Variants in EDIL3 observed in about 807,000 individuals in gnomAD.
EDIL3 encodes the protein EGF-like repeat and discoidin I-like domain-containing protein 3.
Under a neutral mutation model 67.4 loss-of-function variants are expected in EDIL3, and 37 were observed. The ratio of observed to expected loss-of-function variants is 0.55; its 90% CI spans 0.42 to 0.72. The LOEUF (loss-of-function observed/expected upper bound fraction) is 0.72. Among genes scored for constraint, EDIL3 ranks in the 30% least tolerant of loss-of-function variants. EDIL3 has a pLI of 0.00. For missense variants in EDIL3, 527 were observed against 586.3 expected (o/e 0.90, Z 1.04); for synonymous variants, 195 against 196.3 (o/e 0.99, Z 0.05).
chr5:84,265,728 A>T (rs982630331), intron 1 of EDIL3, among the ~76,000 whole-genome samples: 8 of 152,224 alleles, frequency 5.3e-5, no homozygotes, highest in Non-Finnish European at 8.8e-5. Flanking sequence ...GCTTACTGAT[A>T]AACATGAGAA....
At chr5:84,339,926 C>T (rs868716792) in intron 1 of EDIL3, among the ~76,000 whole-genome samples, 2 of 152,008 alleles carry the variant, frequency 1.3e-5, no homozygotes, top group African/African-American at 4.8e-5. Flanking sequence ...TAAATAATCA[C>T]AATATCTGTA....
intron 1 of EDIL3, among the ~76,000 whole-genome samples, chr5:84,269,665 C>A (rs1745424328): frequency 6.6e-6 from 1 of 152,136 alleles, no homozygotes; most frequent in African/African-American, 2.4e-5. Context: ...AAAGTCAGAT[C>A]TACTTTATTG....
chr5:84,175,050 C>T lies in EDIL3; in HGVS notation c.355+5343G>A, dbSNP rs188056530. Among the ~76,000 whole-genome samples, 11 of 152,268 alleles carry T rather than the reference C, an allele frequency of 7.2e-5. No individual in the cohort carries two copies. The East Asian group carries it at 1.7e-3, about 24-fold the overall frequency. ...GTGAAAATGCTATTTAAACTGCATG[C>T]TTTCTGTAGGCGGTGGCAGTTCTGT... is the stretch of plus-strand genomic sequence containing the variant. On this transcript the variant is annotated intron_variant, in intron 4 of 10. Coordinates refer to ENST00000296591, the MANE Select transcript of EDIL3 (RefSeq NM_005711.5).
intron 1 of EDIL3, among the ~76,000 whole-genome samples, chr5:84,256,160 T>TATCTATCC (rs1400582886): frequency 5.7e-5 from 7 of 123,382 alleles, no homozygotes; most frequent in Non-Finnish European, 1.1e-4. Context: ...TCTATCTATC[T>TATCTATCC]ATCCATTTAT....
chr5:84,175,865 C>T (rs960488220), intron 4 of EDIL3, among the ~76,000 whole-genome samples: 18 of 152,038 alleles, frequency 1.2e-4, no homozygotes, highest in Non-Finnish European at 1.8e-4. Context: ...AATTCTGATT[C>T]AACAGGGCTG....
intron 6 of EDIL3, among the ~76,000 whole-genome samples, chr5:84,071,390 T>G (rs908032603): frequency 1.3e-5 from 2 of 152,130 alleles, no homozygotes; most frequent in East Asian, 3.9e-4. Context: ...GAACTAATAC[T>G]AGAATAAAAT....
intron 5 of EDIL3, among the ~76,000 whole-genome samples, chr5:84,116,449 T>C (rs926741296): frequency 1.5e-4 from 23 of 152,174 alleles, no homozygotes; most frequent in African/African-American, 5.3e-4. Context: ...ACCTGCATAA[T>C]CAGAAAAGTA....
chr5:84,086,176 C>T (rs1229595602), intron 6 of EDIL3, among the ~76,000 whole-genome samples: 1 of 152,168 alleles, frequency 6.6e-6, no homozygotes, highest in Non-Finnish European at 1.5e-5. Flanking sequence ...GCCGGTTCTT[C>T]TGTCTCACTG....
At chr5:84,121,956 G>A (rs1445799494) in intron 5 of EDIL3, among the ~76,000 whole-genome samples, 1 of 151,836 alleles carries the variant, frequency 6.6e-6, no homozygotes, top group Non-Finnish European at 1.5e-5. Flanking sequence ...CCTATTCCTC[G>A]CATCTTATAA....
chr5:84,183,040 C>T (rs1480031612), intron 3 of EDIL3, among the ~76,000 whole-genome samples: 1 of 152,108 alleles, frequency 6.6e-6, no homozygotes, highest in Non-Finnish European at 1.5e-5. Flanking sequence ...CAGAACCTAT[C>T]TCTCCTTCTC....
At chr5:84,021,962 T>G (rs1305474570) in intron 9 of EDIL3, among the ~76,000 whole-genome samples, 1 of 151,964 alleles carries the variant, frequency 6.6e-6, no homozygotes, top group Non-Finnish European at 1.5e-5. Flanking sequence ...TGCCTAATTC[T>G]ACCAAATGTA....
chr5:84,273,686 A>T (rs964797494), intron 1 of EDIL3, among the ~76,000 whole-genome samples: 1 of 152,158 alleles, frequency 6.6e-6, no homozygotes, highest in Non-Finnish European at 1.5e-5. Context: ...TCTCTATGCA[A>T]ATGTCCCTTT....
At chr5:84,093,991 G>T (rs1051335290) in intron 6 of EDIL3, among the ~76,000 whole-genome samples, 3 of 152,062 alleles carry the variant, frequency 2.0e-5, no homozygotes, top group African/African-American at 7.2e-5. Context: ...CAGAGCAACT[G>T]CTATATGGTT....
At chr5:84,291,971 T>A (rs958605014) in intron 1 of EDIL3, among the ~76,000 whole-genome samples, 1 of 151,652 alleles carries the variant, frequency 6.6e-6, no homozygotes, top group Non-Finnish European at 1.5e-5. Context: ...GCCATTGATA[T>A]ACCCAGATAC....
At chr5:84,259,220 A>T (rs1317985665) in intron 1 of EDIL3, among the ~76,000 whole-genome samples, 1 of 151,920 alleles carries the variant, frequency 6.6e-6, no homozygotes. Flanking sequence ...TGCCCTCCCA[A>T]AGTACTGAGA....
chr5:84,116,940 G>A (rs1747675682), intron 5 of EDIL3, among the ~76,000 whole-genome samples: 1 of 150,216 alleles, frequency 6.7e-6, no homozygotes, highest in Non-Finnish European at 1.5e-5. Context: ...TATGAAAGTT[G>A]ACTTCTGTTT....
chr5:84,137,184 T>TATACAC lies in EDIL3; in HGVS notation c.469+56_469+57insGTGTAT, dbSNP rs533756025. On this transcript the variant is annotated intron_variant, in intron 5 of 10. Transcript: ENST00000296591. ...ATACATATATGTGTGTGTGTATACA[T>TATACAC]ACACACACACACACACACACACACA... is the stretch of plus-strand genomic sequence containing the variant. 981 of 901,818 alleles carry TATACAC rather than the reference T, an allele frequency of 1.1e-3. 4 individuals carry two copies. In the African/African-American group the frequency reaches 0.014, roughly 13 times the overall value. The allele number at this position is 901,818 out of a possible 1,614,324, so 55.9% of individuals were successfully genotyped here. A position where few individuals can be genotyped will look rare whatever the true frequency, so the allele number is the denominator to read the frequency against.
chr5:83,949,058 G>C (rs1744362233), intron 10 of EDIL3, among the ~76,000 whole-genome samples: 1 of 151,656 alleles, frequency 6.6e-6, no homozygotes, highest in Non-Finnish European at 1.5e-5. Context: ...ATTCTAAGAG[G>C]GTCACCAAAA....
intron 3 of EDIL3, among the ~76,000 whole-genome samples, chr5:84,208,523 C>T (rs2112386600): frequency 6.6e-6 from 1 of 151,016 alleles, no homozygotes; most frequent in South Asian, 2.1e-4. Flanking sequence ...ACCAAAAATA[C>T]AAAAAATTAG....
Sources: allele counts gnomAD v4.1 joint callset (sites outside exome capture counted in the v4.1 genomes callset), GRCh38; gene constraint gnomAD v4.1.1; transcripts MANE v1.5; gene names NCBI Gene and HGNC (gene_info 2026-07-23, HGNC 2026-07-21).